Variants in SVOPL observed in about 807,000 individuals in gnomAD.
SVOPL encodes SVOP like.
A neutral mutation model predicts 61.0 loss-of-function variants in SVOPL; 60 were observed. The observed-to-expected ratio is 0.98, with a 90% confidence interval of 0.80 to 1.22. The LOEUF is 1.22. Ranked by LOEUF, SVOPL falls within the 50% of genes most tolerant of loss-of-function variation. The pLI, the probability that SVOPL is intolerant of heterozygous loss-of-function variation, is 0.00. For synonymous variants in SVOPL, 279 were observed against 250.0 expected (o/e 1.12, Z -1.09); for missense variants, 662 against 643.9 (o/e 1.03, Z -0.30).
At chr7:138,696,689 G>A (rs1803071661) in intron 1 of SVOPL, among the ~76,000 whole-genome samples, 1 of 152,110 alleles carries the variant, frequency 6.6e-6, no homozygotes, top group Non-Finnish European at 1.5e-5. Flanking sequence ...CTCCCAAAGT[G>A]CTAGGATTAC....
intron 1 of SVOPL, among the ~76,000 whole-genome samples, chr7:138,679,908 G>A (rs1322466179): frequency 6.6e-6 from 1 of 152,084 alleles, no homozygotes; most frequent in African/African-American, 2.4e-5. Flanking sequence ...TGTCTGGCAC[G>A]TAAGGAACCT....
intron 14 of SVOPL, among the ~76,000 whole-genome samples, chr7:138,620,460 A>G (rs1382502593): frequency 1.3e-5 from 2 of 151,116 alleles, no homozygotes; most frequent in African/African-American, 2.4e-5. Flanking sequence ...AAAAAAAAAA[A>G]AAAGACTGAC....
intron 14 of SVOPL, among the ~76,000 whole-genome samples, chr7:138,614,212 C>A (rs979511245): frequency 6.6e-6 from 1 of 152,106 alleles, no homozygotes; most frequent in Admixed American, 6.6e-5. Context: ...GAATGGTCAC[C>A]AAAATAGGAC....
At chr7:138,602,866 G>C (rs987500579) in intron 14 of SVOPL, among the ~76,000 whole-genome samples, 1 of 151,938 alleles carries the variant, frequency 6.6e-6, no homozygotes, top group Non-Finnish European at 1.5e-5. Context: ...GTGTGTGTTC[G>C]TGTCATCAGT....
chr7:138,693,572 AGAAAAAAGGAAAGAAAGAAAAAAG>A (rs1802998047), intron 1 of SVOPL, among the ~76,000 whole-genome samples: 1 of 125,442 alleles, frequency 8.0e-6, no homozygotes, highest in Non-Finnish European at 1.7e-5. Context: ...AAAGAAAGAA[AGAAAAAAGGAAAGAAAGAAAAAAG>A]GAAAGAAAGA....
rs778092881 is a variant in SVOPL, at chr7:138,649,051, G to C, written c.621C>G (p.Val207=). 1.2e-5 allele frequency: 20 copies of C among 1,613,918 alleles called. No individual in the cohort carries two copies. The highest frequency in any genetic ancestry group is 1.4e-5 in the Non-Finnish European group (16 of 1,179,968). ...TGAGGATGATGCCCGGGATGGAGGC[G>C]ACGCGAATGAGCCAGCGCCACCCGA... ...PTIGWRWLIR[V]ASIPGIILIV... The change falls in exon 8 of 16, where the codon GTC becomes GTG. Residue 207 remains valine (V), a synonymous_variant. Coordinates refer to ENST00000674285, the MANE Select transcript of SVOPL (RefSeq NM_001139456.2).
At chr7:138,672,677 A>C (rs541049010) in intron 3 of SVOPL, among the ~76,000 whole-genome samples, 38 of 149,582 alleles carry the variant, frequency 2.5e-4, no homozygotes, top group Admixed American at 1.3e-3. Flanking sequence ...AAAAAAAAAG[A>C]AGCAATGGGA....
chr7:138,641,747 G>A (rs1260159213), intron 9 of SVOPL, among the ~76,000 whole-genome samples: 1 of 143,156 alleles, frequency 7.0e-6, no homozygotes, highest in East Asian at 2.0e-4. Context: ...AATGGAGAAA[G>A]TCATTGTCTT....
chr7:138,628,027 G>T, intron 11 of SVOPL, 131 bp downstream of exon 11: 2 of 1,036,374 alleles, frequency 1.9e-6, no homozygotes, highest in Non-Finnish European at 2.9e-6. Context: ...AGATTTTTCA[G>T]CACTACTTGG....
intron 14 of SVOPL, among the ~76,000 whole-genome samples, chr7:138,601,470 A>C (rs1798522663): frequency 1.3e-5 from 2 of 152,066 alleles, no homozygotes; most frequent in African/African-American, 4.8e-5. Flanking sequence ...GAATGAGCCT[A>C]GAGGACATTA....
chr7:138,660,355 A>G, intron 5 of SVOPL: 2 of 997,286 alleles, frequency 2.0e-6, no homozygotes, highest in Non-Finnish European at 2.4e-6. Flanking sequence ...CATTTAAGGT[A>G]TTTGCTTTTT....
chr7:138,615,853 A>T (rs1659820), intron 14 of SVOPL, among the ~76,000 whole-genome samples: 92,719 of 151,330 alleles, frequency 0.61, 30,698 homozygotes, highest in East Asian at 0.99. Context: ...AAAATTTTTT[A>T]AAAAATAAAA....
At chr7:138,689,154 C>G (rs1454645567) in intron 1 of SVOPL, 1 of 945,104 alleles carries the variant, frequency 1.1e-6, no homozygotes, top group East Asian at 2.4e-5. Context: ...ATAGTGCGTA[C>G]CATTCCGATG....
intron 5 of SVOPL, chr7:138,660,597 TTTAAG>T (rs1801959987): frequency 1.0e-6 from 1 of 985,392 alleles, no homozygotes. Context: ...ACTGTTGCAG[TTTAAG>T]TTGTTTCAGA....
chr7:138,637,534 A>T (rs551376876), intron 9 of SVOPL, among the ~76,000 whole-genome samples: 26 of 142,926 alleles, frequency 1.8e-4, no homozygotes, highest in East Asian at 6.2e-4. Flanking sequence ...ACACACCTAC[A>T]TACATACACA....
At chr7:138,668,831 C>T (rs768419773) in intron 4 of SVOPL, among the ~76,000 whole-genome samples, 1 of 152,188 alleles carries the variant, frequency 6.6e-6, no homozygotes, top group Non-Finnish European at 1.5e-5. Context: ...TTCTCCACCA[C>T]CAGTTTCAGA....
At chr7:138,637,797 C>A (rs1162557501) in intron 9 of SVOPL, among the ~76,000 whole-genome samples, 1 of 150,780 alleles carries the variant, frequency 6.6e-6, no homozygotes. Context: ...ACTAAAAATA[C>A]AAAAACTAGC....
chr7:138,688,270 T>C lies in SVOPL; in HGVS notation c.-34-9191A>G, dbSNP rs193235459. Among the ~76,000 whole-genome samples the C allele has an allele frequency of 2.8e-3, 411 of 148,944 alleles. 4 individuals carry two copies. Among genetic ancestry groups the C allele is most frequent in the African/African-American group, 0.01 (397 of 38,914 alleles). On this transcript the variant is annotated intron_variant, in intron 1 of 15. Coordinates refer to ENST00000674285, the MANE Select transcript of SVOPL (RefSeq NM_001139456.2). The stretch of plus-strand genomic sequence containing the variant: ...CTACTCAGTAGGATGCCGAAAAATT[T>C]TGGGGTTTTTTTTTTTGAGACAGAG...
At chr7:138,664,327 ACACACCCCTGGCCCTCCATCGGG>A in intron 4 of SVOPL, 1 of 742,460 alleles carries the variant, frequency 1.3e-6, no homozygotes, top group Non-Finnish European at 1.6e-6. Flanking sequence ...CCTCCATCGG[ACACACCCCTGGCCCTCCATCGGG>A]CGTGCGCCTA....
Sources: gnomAD v4.1 joint callset for allele counts (sites outside exome capture counted in the v4.1 genomes callset) on GRCh38, gnomAD v4.1.1 for gene constraint, MANE v1.5 for transcripts, NCBI Gene and HGNC (gene_info 2026-07-23, HGNC 2026-07-21) for gene names.